HK3: variants seen among roughly 807,000 people sequenced by gnomAD.
HK3 encodes hexokinase 3.
In HK3, 93 loss-of-function variants were observed where a neutral mutation model predicts 91.0. The ratio of observed to expected loss-of-function variants is 1.02; its 90% CI spans 0.86 to 1.21. The LOEUF (loss-of-function observed/expected upper bound fraction) is 1.21. Among genes scored for constraint, HK3 ranks in the 50% most tolerant of loss-of-function variants. The pLI is 0.00. For missense variants in HK3, 1,235 were observed against 1,247.4 expected (o/e 0.99, Z 0.15); for synonymous variants, 519 against 516.9 (o/e 1.00, Z -0.06).
At chr5:176,892,622 C>G (rs1276757146) in intron 2 of HK3, among the ~76,000 whole-genome samples, 1 of 152,208 alleles carries the variant, frequency 6.6e-6, no homozygotes, top group South Asian at 2.1e-4. Context: ...AGCCTGGCAA[C>G]TCCATCCTCC....
rs141866799 is a variant in HK3 at position 176,896,132 on chromosome 5, G to A, written c.28C>T (p.Arg10Trp). ...CAACTCAGGGTTTCTTCCCCCTGCCGCAACCCTGAAGACCCAATGGAGTCC... is the reference window on the plus strand; with the variant it reads ...CAACTCAGGGTTTCTTCCCCCTGCCACAACCCTGAAGACCCAATGGAGTCC... MDSIGSSGL[R>W]QGEETLSCSE... The change falls in exon 2 of 19, where the codon CGG (arginine) becomes TGG (tryptophan). Residue 10 changes from arginine (R) to tryptophan (W), a missense_variant. Transcript: ENST00000292432. 30 of 1,611,656 alleles carry A rather than the reference G, an allele frequency of 1.9e-5. No homozygotes were observed. The highest frequency in any genetic ancestry group is 1.6e-4 in the African/African-American group (12 of 74,802).
chr5:176,887,778 C>T lies in HK3; in HGVS notation c.1305-32G>A. ...ATACATACAGGTGCACCCGGCTTGG[C>T]CCTGGACCCCCAGACACACACAGGT... On this transcript the variant is annotated intron_variant, in intron 10 of 18. Coordinates refer to ENST00000292432, the MANE Select transcript of HK3 (RefSeq NM_002115.3). The surrounding 1 kb of genome is among the most constrained non-coding windows in gnomAD (Gnocchi z 4.9). 6.4e-7 allele frequency: 1 copy of T among 1,571,552 alleles called. No homozygotes were observed.
intron 2 of HK3, 151 bp downstream of exon 2, chr5:176,895,913 G>A (rs1758899456): frequency 4.5e-6 from 3 of 673,500 alleles, no homozygotes; most frequent in Non-Finnish European, 8.1e-6. Context: ...GTTGTTTGGA[G>A]CATGAAAGGA....
rs143340857 is a variant in HK3, at chr5:176,887,704, C to T, written c.1347G>A (p.Pro449=). The change falls in exon 11 of 19, where the codon CCG becomes CCA. Residue 449 remains proline (P), a synonymous_variant. Coordinates refer to ENST00000292432, the MANE Select transcript of HK3 (RefSeq NM_002115.3). The surrounding 1 kb of genome is among the most constrained non-coding windows in gnomAD (Gnocchi z 4.9). ...VLQGTVMLLA[P]ECDVSLIPSV... The stretch of plus-strand genomic sequence containing the variant: ...AGGGGATTAAGGAGACATCGCATTC[C>T]GGGGCCAGGAGCATCACTGTCCCCT... The T allele has an allele frequency of 3.9e-5, 63 of 1,613,070 alleles. No homozygotes were observed. Among genetic ancestry groups the T allele is most frequent in the African/African-American group, 3.1e-4 (23 of 75,028 alleles).
At chr5:176,890,480 T>C (rs1758735318) in intron 6 of HK3, among the ~76,000 whole-genome samples, 155 bp downstream of exon 6, 1 of 152,192 alleles carries the variant, frequency 6.6e-6, no homozygotes, top group African/African-American at 2.4e-5. Context: ...GGTAGCAACA[T>C]GTACCATGTA....
chr5:176,887,213 A>G lies in HK3; in HGVS notation c.1725T>C (p.Gly575=). 6.2e-7 allele frequency: 1 copy of G among 1,613,986 alleles called. No homozygotes were observed. The highest frequency in any genetic ancestry group is 8.5e-7 in the Non-Finnish European group (1 of 1,179,998). ...IYSIPETVAQ[G]SGQQLFDHIV... ...AGGCTGTGGGTACCTGCTGCCCAGA[A>G]CCCTGGGCCACAGTCTCGGGAATGG... The change falls in exon 12 of 19, where the codon GGT becomes GGC. Residue 575 remains glycine, a synonymous_variant. Transcript: ENST00000292432. This position sits in a 1 kb window ranked among gnomAD's most constrained non-coding sequence, Gnocchi z 4.9.
intron 1 of HK3, among the ~76,000 whole-genome samples, chr5:176,896,473 C>T (rs543505776): frequency 3.3e-5 from 5 of 152,326 alleles, no homozygotes; most frequent in East Asian, 3.9e-4. Flanking sequence ...CTATGCTGGA[C>T]GTTGTGGTAC....
At chr5:176,886,933 T>C in intron 13 of HK3, 69 bp downstream of exon 13, 1 of 1,585,136 alleles carries the variant, frequency 6.3e-7, no homozygotes, top group Non-Finnish European at 8.6e-7. Flanking sequence ...CCCTGCCTCC[T>C]GCCCACTCCA....
chr5:176,887,897 CTTT>C lies in HK3; in HGVS notation c.1305-154_1305-152del. 4 of 547,276 alleles carry C rather than the reference CTTT, an allele frequency of 7.3e-6. No individual in the cohort carries two copies. Among genetic ancestry groups the C allele is most frequent in the Non-Finnish European group, 6.2e-6 (2 of 324,968 alleles). The allele number at this position is 547,276 out of a possible 1,614,324, so 33.9% of individuals were successfully genotyped here. On this transcript the variant is annotated intron_variant, in intron 10 of 18. Coordinates refer to ENST00000292432, the MANE Select transcript of HK3 (RefSeq NM_002115.3). This position sits in a 1 kb window ranked among gnomAD's most constrained non-coding sequence, Gnocchi z 4.9. ...CCTCCTGAAGCCCAAGGCCCCATCA[CTTT>C]TTTTTTTTTATTTTTGTAGATATCG...
chr5:176,887,492 C>A lies in HK3; in HGVS notation c.1559G>T (p.Arg520Leu), dbSNP rs779271325. The A allele has an allele frequency of 2.5e-6, 4 of 1,613,562 alleles. No individual in the cohort carries two copies. Among genetic ancestry groups the A allele is most frequent in the East Asian group, 2.2e-5 (1 of 44,862 alleles). ...GGCCCGGACGAAAGTGGGCAGCATG[C>A]GAAGGGAGGAGGCCTCCCCTCGGAG... ...KGLRGEASSL[R>L]MLPTFVRATP... Residue 520 changes from arginine to leucine, a missense_variant, in exon 11 of 19, where the codon CGC (arginine) becomes CTC (leucine). This residue lies in a region of HK3 where 717 missense variants were observed against 751.6 expected (regional missense o/e 0.95). Transcript: ENST00000292432. This position sits in a 1 kb window ranked among gnomAD's most constrained non-coding sequence, Gnocchi z 4.9.
In HK3 at chr5:176,884,204, C is replaced by T. The variant is rs1019752544; in HGVS notation, c.1858-70G>A. 1 of 1,261,824 alleles carries T rather than the reference C, an allele frequency of 7.9e-7. No individual in the cohort carries two copies. Among genetic ancestry groups the T allele is most frequent in the Non-Finnish European group, 1.2e-6 (1 of 860,004 alleles). The allele number at this position is 1,261,824 out of a possible 1,614,324, so 78.2% of individuals were successfully genotyped here. On this transcript the variant is annotated intron_variant, in intron 13 of 18. Transcript: ENST00000292432. The surrounding 1 kb of genome is among the most constrained non-coding windows in gnomAD (Gnocchi z 4.1). ...TCAGGCTCACTCTGCCTCTGCAAAA[C>T]CTGCATCCATCACAAGCCTAGGCTT...
Position 176,882,044 on chromosome 5 carries a change from T to C in HK3, c.2137A>G (p.Met713Val), listed in dbSNP as rs766882132. ...PGDSGRMCIN[M>V]EWGAFGDDGS... ...TCGTCCCCAAAGGCGCCCCACTCCA[T>C]GTTGATGCACATGCGGCCTGAGTCC... Residue 713 changes from methionine to valine, a missense_variant, in exon 16 of 19, where the codon ATG becomes GTG. Met to Val is a conservative substitution (Grantham distance 21). Transcript: ENST00000292432. 5.0e-6 allele frequency: 8 copies of C among 1,613,096 alleles called. No individual in the cohort carries two copies. Among genetic ancestry groups the C allele is most frequent in the Admixed American group, 1.7e-5 (1 of 60,024 alleles).
intron 6 of HK3, 51 bp from the exon 7 acceptor site, chr5:176,889,795 G>T: frequency 6.7e-7 from 1 of 1,490,330 alleles, no homozygotes; most frequent in South Asian, 1.1e-5. Flanking sequence ...GGCCAGAGGA[G>T]GGAATCCAGG....
rs751067290 is a variant in HK3 at position 176,889,705 on chromosome 5, CTG to C, written c.668_669del (p.Thr223SerfsTer8). The C allele has an allele frequency of 1.9e-6, 3 of 1,614,158 alleles. No homozygotes were observed. Among genetic ancestry groups the C allele is most frequent in the South Asian group, 1.1e-5 (1 of 91,086 alleles). On this transcript the variant is annotated frameshift_variant, in exon 7 of 19. Coordinates refer to ENST00000292432, the MANE Select transcript of HK3 (RefSeq NM_002115.3). LOFTEE classifies it high-confidence loss of function. Reference sequence around the variant, plus strand: ...GGCTCACAGCCCATCATGGTGCCCACTGTGTCGTTCACCACAGCAACCACGTC... The same window carrying C: ...GGCTCACAGCCCATCATGGTGCCCACTGTCGTTCACCACAGCAACCACGTC... ...NIDVVAVVND[T>X]VGTMMGCEPG...
Position 176,881,303 on chromosome 5 carries a change from G to A in HK3, c.2626C>T (p.Arg876Cys), listed in dbSNP as rs534381486. 31 of 1,613,676 alleles carry A rather than the reference G, an allele frequency of 1.9e-5. No individual in the cohort carries two copies. Among genetic ancestry groups the A allele is most frequent in the Middle Eastern group, 1.7e-4 (1 of 6,060 alleles). The change falls in exon 18 of 19, where the codon CGC (arginine) becomes TGC (cysteine). Residue 876 changes from arginine (R) to cysteine (C), a missense_variant and splice_region_variant. Arg to Cys is a radical substitution (Grantham distance 180). Coordinates refer to ENST00000292432, the MANE Select transcript of HK3 (RefSeq NM_002115.3). ...VDGTLYKLHP[R>C]FSSLVAATVR... ...CCCAGCCCGCACACCCAGACTCACC[G>A]CGGGTGCAGCTTGTAGAGCGTTCCA...
rs779759301 is a variant in HK3 at position 176,887,679 on chromosome 5, A to G, written c.1372T>C (p.Ser458Pro). 2 of 1,613,784 alleles carry G rather than the reference A, an allele frequency of 1.2e-6. No individual in the cohort carries two copies. Among genetic ancestry groups the G allele is most frequent in the South Asian group, 2.2e-5 (2 of 91,062 alleles). The change falls in exon 11 of 19, where the codon TCT becomes CCT. Residue 458 changes from serine (S) to proline (P), a missense_variant. Physicochemically the swap from Ser to Pro is moderately conservative, Grantham distance 74 (BLOSUM62 -1). This residue lies in a region of HK3 where 717 missense variants were observed against 751.6 expected (regional missense o/e 0.95). Transcript: ENST00000292432. This position sits in a 1 kb window ranked among gnomAD's most constrained non-coding sequence, Gnocchi z 4.9. ...ACTCCCCGGCCACCACCATCCACAG[A>G]GGGGATTAAGGAGACATCGCATTCC... is the stretch of plus-strand genomic sequence containing the variant. ...APECDVSLIP[S>P]VDGGGRGVAM...
intron 1 of HK3, among the ~76,000 whole-genome samples, chr5:176,896,789 C>A (rs1246476832): frequency 1.3e-5 from 2 of 152,148 alleles, no homozygotes; most frequent in African/African-American, 4.8e-5. Flanking sequence ...CCACTAGTGA[C>A]CTGACCTTGG....
chr5:176,884,047 G>C lies in HK3; in HGVS notation c.1945C>G (p.Arg649Gly). 2 of 1,614,040 alleles carry C rather than the reference G, an allele frequency of 1.2e-6. No homozygotes were observed. Among genetic ancestry groups the C allele is most frequent in the Non-Finnish European group, 1.7e-6 (2 of 1,179,948 alleles). Reference protein sequence around the residue: ...VVSLLREAITRRQAVELNVVA... With the variant: ...VVSLLREAITGRQAVELNVVA... ...CTAGAACAGGCTCCTACCTGTCTGC[G>C]AGTGATGGCTTCCCGCAACAGACTC... is the stretch of plus-strand genomic sequence containing the variant. Residue 649 changes from arginine (R) to glycine (G), a missense_variant, in exon 14 of 19, where the codon CGC becomes GGC. Arg to Gly is a moderately radical substitution (Grantham distance 125). Transcript: ENST00000292432. The surrounding 1 kb of genome is among the most constrained non-coding windows in gnomAD (Gnocchi z 4.1).
intron 1 of HK3, among the ~76,000 whole-genome samples, chr5:176,898,609 C>T (rs1392755190): frequency 6.6e-6 from 1 of 152,194 alleles, no homozygotes; most frequent in Non-Finnish European, 1.5e-5. Context: ...AAGCAATCCC[C>T]AAGTAGCCCT....
Sources: allele counts gnomAD v4.1 joint callset (sites outside exome capture counted in the v4.1 genomes callset), GRCh38; gene constraint gnomAD v4.1.1; regional missense constraint gnomAD v4.1.1; non-coding constraint Gnocchi (gnomAD v3.1); transcripts MANE v1.5; gene names NCBI Gene and HGNC (gene_info 2026-07-23, HGNC 2026-07-21).